The following METTL15 variants were observed in gnomAD, a reference collection of about 807,000 sequenced individuals.
METTL15 encodes the protein 12S rRNA N(4)-cytidine methyltransferase METTL15.
METTL15 carries 34 observed loss-of-function variants against 38.3 expected under a neutral mutation model. That is an observed-to-expected ratio of 0.89 (90% CI 0.68 to 1.18). METTL15 has a LOEUF of 1.18. METTL15 is among the 50% of genes most tolerant of loss of function. METTL15 has a pLI of 0.00. For missense variants in METTL15, 438 were observed against 498.4 expected (o/e 0.88, Z 1.15); for synonymous variants, 162 against 170.9 (o/e 0.95, Z 0.41).
At chr11:28,317,884 C>T (rs1346672291) in intron 6 of METTL15, among the ~76,000 whole-genome samples, 1 of 152,168 alleles carries the variant, frequency 6.6e-6, no homozygotes, top group Non-Finnish European at 1.5e-5. Context: ...TCAATCAATG[C>T]TTCCAGTGAT....
intron 4 of METTL15, among the ~76,000 whole-genome samples, chr11:28,236,935 T>G (rs1002605850): frequency 6.6e-6 from 1 of 152,218 alleles, no homozygotes; most frequent in Non-Finnish European, 1.5e-5. Flanking sequence ...TGGCCCCCAC[T>G]CTATTCTAGC....
chr11:28,427,047 C>T (rs919343531), intron 6 of METTL15, among the ~76,000 whole-genome samples: 7 of 152,120 alleles, frequency 4.6e-5, no homozygotes, highest in African/African-American at 1.4e-4. Flanking sequence ...AGATTTTCTT[C>T]CAGGGCTTTT....
chr11:28,325,469 T>A (rs575239619), intron 6 of METTL15, among the ~76,000 whole-genome samples: 1 of 152,332 alleles, frequency 6.6e-6, no homozygotes, highest in Admixed American at 6.5e-5. Flanking sequence ...ATATACAGGC[T>A]TGGCACACAG....
intron 5 of METTL15, among the ~76,000 whole-genome samples, chr11:28,388,893 C>T (rs867578407): frequency 4.6e-5 from 7 of 151,994 alleles, no homozygotes; most frequent in Admixed American, 3.9e-4. Flanking sequence ...CATGTGTTCT[C>T]ATTGTTCAAT....
intron 5 of METTL15, among the ~76,000 whole-genome samples, chr11:28,422,172 G>A (rs2133422025): frequency 6.6e-6 from 1 of 151,890 alleles, no homozygotes; most frequent in East Asian, 1.9e-4. Context: ...ATAAAACATT[G>A]ATAAAAGAAA....
intron 6 of METTL15, among the ~76,000 whole-genome samples, chr11:28,436,561 G>A (rs1203862049): frequency 1.3e-5 from 2 of 151,150 alleles, no homozygotes; most frequent in Non-Finnish European, 2.9e-5. Context: ...CTGACATTGA[G>A]TGTTTTTTTT....
At chr11:28,520,736 C>G (rs182469244) in intron 6 of METTL15, among the ~76,000 whole-genome samples, 1 of 152,324 alleles carries the variant, frequency 6.6e-6, no homozygotes, top group East Asian at 1.9e-4. Flanking sequence ...ATACACCATT[C>G]TTCACGGAGT....
chr11:28,367,840 TG>T (rs1244654424), intron 5 of METTL15, among the ~76,000 whole-genome samples: 1 of 151,902 alleles, frequency 6.6e-6, no homozygotes, highest in Non-Finnish European at 1.5e-5. Flanking sequence ...AAACAAGCAA[TG>T]GGGAAAAGAT....
At chr11:28,501,562 T>A (rs555356958) in intron 6 of METTL15, among the ~76,000 whole-genome samples, 2 of 152,174 alleles carry the variant, frequency 1.3e-5, no homozygotes, top group Non-Finnish European at 2.9e-5. Flanking sequence ...GAGGTTACAA[T>A]TGGCTTTTGG....
At chr11:28,375,027 T>C (rs1356596700) in intron 5 of METTL15, among the ~76,000 whole-genome samples, 4 of 150,404 alleles carry the variant, frequency 2.7e-5, no homozygotes, top group Admixed American at 6.6e-5. Flanking sequence ...CACTTGATCA[T>C]GGTGGATAAG....
intron 4 of METTL15, among the ~76,000 whole-genome samples, chr11:28,236,745 G>T (rs1854000016): frequency 1.3e-5 from 2 of 152,106 alleles, no homozygotes; most frequent in African/African-American, 2.4e-5. Context: ...GGTACCAGTT[G>T]TGCCTTTCCA....
At position 28,331,680 on chromosome 11, in the gene METTL15, T is replaced by A. The variant is rs1454972619; in HGVS notation, c.*839T>A. On this transcript the variant is annotated 3_prime_UTR_variant, in exon 7 of 7. Transcript: ENST00000407364. ...TAGTAAAATCAATGCTCCCTTAATGTTGTTACAAAGATATGGTAACTGTAA... is the reference window on the plus strand; with the variant it reads ...TAGTAAAATCAATGCTCCCTTAATGATGTTACAAAGATATGGTAACTGTAA... 4 of 152,174 alleles carry A rather than the reference T, an allele frequency of 2.6e-5. No homozygotes were observed. The highest frequency in any genetic ancestry group is 9.6e-5 in the African/African-American group (4 of 41,472). The allele number at this position is 152,174 out of a possible 1,614,324, so 9.4% of individuals were successfully genotyped here. A position where few individuals can be genotyped will look rare whatever the true frequency, so the allele number is the denominator to read the frequency against.
chr11:28,256,980 G>A lies in METTL15; in HGVS notation c.408-33226G>A, dbSNP rs1590224893. Among the ~76,000 whole-genome samples, 4 of 151,984 alleles carry A rather than the reference G, an allele frequency of 2.6e-5. No homozygotes were observed. The Middle Eastern group carries it at 0.01, about 388-fold the overall frequency. ...CACTGGCCATTTAGGAGTATATTTT[G>A]TACTTTGCATGTATTTGTATAGTTT... On this transcript the variant is annotated intron_variant, in intron 4 of 6. Transcript: ENST00000407364.
intron 3 of METTL15, among the ~76,000 whole-genome samples, chr11:28,144,626 T>C (rs1312504674): frequency 6.6e-6 from 1 of 152,074 alleles, no homozygotes; most frequent in Admixed American, 6.6e-5. Flanking sequence ...GATATATATA[T>C]GTGCGTGTGT....
chr11:28,475,964 G>A (rs1319945342), intron 6 of METTL15, among the ~76,000 whole-genome samples: 2 of 152,154 alleles, frequency 1.3e-5, no homozygotes, highest in African/African-American at 4.8e-5. Context: ...GTCCTCTGTG[G>A]CATGCACACT....
At chr11:28,370,899 A>G (rs1590348359) in intron 5 of METTL15, among the ~76,000 whole-genome samples, 2 of 151,856 alleles carry the variant, frequency 1.3e-5, no homozygotes, top group Non-Finnish European at 1.5e-5. Context: ...AAATTAGATT[A>G]TTTGTTTTCA....
chr11:28,435,084 C>T (rs1850969648), intron 6 of METTL15, among the ~76,000 whole-genome samples: 1 of 152,156 alleles, frequency 6.6e-6, no homozygotes, highest in African/African-American at 2.4e-5. Flanking sequence ...CTAATTTGCT[C>T]AATCTTCCAT....
intron 3 of METTL15, chr11:28,122,323 A>ACACATCTATATAC: frequency 4.1e-6 from 1 of 245,710 alleles, no homozygotes; most frequent in Non-Finnish European, 7.6e-6. Context: ...TAGTATATAG[A>ACACATCTATATAC]TGTGTGTATA....
intron 6 of METTL15, among the ~76,000 whole-genome samples, chr11:28,435,025 C>A (rs1375181902): frequency 1.3e-5 from 2 of 152,192 alleles, no homozygotes; most frequent in Non-Finnish European, 2.9e-5. Flanking sequence ...TAGAGTGTGA[C>A]AGTAGTACCA....
Sources: allele counts gnomAD v4.1 joint callset (sites outside exome capture counted in the v4.1 genomes callset), GRCh38; gene constraint gnomAD v4.1.1; transcripts MANE v1.5; gene names NCBI Gene and HGNC (gene_info 2026-07-23, HGNC 2026-07-21).